The following PHF21A variants were observed in gnomAD, a reference collection of about 807,000 sequenced individuals.
PHF21A encodes the protein BHC80a.
A neutral mutation model predicts 82.5 loss-of-function variants in PHF21A; 11 were observed. The ratio of observed to expected loss-of-function variants is 0.13; its 90% CI spans 0.08 to 0.22. PHF21A has a LOEUF of 0.22. Among genes scored for constraint, PHF21A ranks in the 10% least tolerant of loss-of-function variants. The pLI, the probability that PHF21A is intolerant of heterozygous loss-of-function variation, is 1.00. For synonymous variants in PHF21A, 297 were observed against 302.8 expected, an observed-to-expected ratio of 0.98 and a Z score of 0.20; for missense variants, 579 against 837.8, an observed-to-expected ratio of 0.69 and a Z score of 3.81.
At chr11:46,086,207 C>T (rs2096855446) in intron 3 of PHF21A, among the ~76,000 whole-genome samples, 1 of 151,952 alleles carries the variant, frequency 6.6e-6, no homozygotes, top group African/African-American at 2.4e-5. Flanking sequence ...CAAGCTCCGC[C>T]TCCCAGGTTC....
chr11:46,094,384 C>A (rs1200021162), intron 1 of PHF21A, among the ~76,000 whole-genome samples: 2 of 152,072 alleles, frequency 1.3e-5, no homozygotes, highest in Non-Finnish European at 2.9e-5. Flanking sequence ...GTGATTTCCC[C>A]AAAGGTCACT....
At chr11:45,955,894 T>C (rs1447013701) in intron 10 of PHF21A, among the ~76,000 whole-genome samples, 1 of 152,192 alleles carries the variant, frequency 6.6e-6, no homozygotes, top group African/African-American at 2.4e-5. Context: ...AGCTCAGATG[T>C]GGATTATTAA....
At chr11:46,040,377 TAA>T (rs2096106306) in intron 6 of PHF21A, among the ~76,000 whole-genome samples, 1 of 152,194 alleles carries the variant, frequency 6.6e-6, no homozygotes, top group Admixed American at 6.5e-5. Flanking sequence ...GCACAGACAA[TAA>T]AAGTTTTTTT....
At chr11:46,088,860 T>C (rs898735154) in intron 3 of PHF21A, among the ~76,000 whole-genome samples, 4 of 152,150 alleles carry the variant, frequency 2.6e-5, no homozygotes, top group South Asian at 2.1e-4. Context: ...CTGGGTATAC[T>C]TCTGCTTGAA....
chr11:46,077,867 TTAATC>T (rs1431769451), intron 5 of PHF21A, among the ~76,000 whole-genome samples: 1 of 152,208 alleles, frequency 6.6e-6, no homozygotes, highest in Non-Finnish European at 1.5e-5. Context: ...AAAGGACCTG[TTAATC>T]TAAAGTCTAC....
chr11:46,031,720 G>A (rs562062273), intron 6 of PHF21A, among the ~76,000 whole-genome samples: 37 of 152,076 alleles, frequency 2.4e-4, no homozygotes, highest in Non-Finnish European at 5.0e-4. Flanking sequence ...TTTTTCCTCT[G>A]GCTTTGTCTG....
Position 46,100,111 on chromosome 11 carries a change from C to G in PHF21A, c.-236-7888G>C, listed in dbSNP as rs538061157. Among the ~76,000 whole-genome samples, 11 of 152,238 alleles carry G rather than the reference C, an allele frequency of 7.2e-5. No individual in the cohort carries two copies. In the South Asian group the frequency reaches 2.3e-3, roughly 32 times the overall value. ...CAAAGAAACAGGAGTCTGAAACATG[C>G]CTCAATCACGCTGATAAGTAAGTAG... On this transcript the variant is annotated intron_variant, in intron 1 of 18. Coordinates refer to ENST00000676320, the MANE Select transcript of PHF21A (RefSeq NM_001352027.3).
chr11:46,120,100 G>A (rs1852688136), intron 1 of PHF21A, among the ~76,000 whole-genome samples: 2 of 149,704 alleles, frequency 1.3e-5, no homozygotes, highest in Non-Finnish European at 3.0e-5. Context: ...ACGCTGCTCC[G>A]GCCACCCAAG....
In PHF21A at chr11:45,933,684, TAGAG is replaced by T. The variant is rs2088015483; in HGVS notation, c.*280_*283del. 3.2e-6 allele frequency: 1 copy of T among 307,936 alleles called. No individual in the cohort carries two copies. 19.1% of individuals were successfully genotyped at this position (307,936 alleles called of 1,614,324 possible). A position where few individuals can be genotyped will look rare whatever the true frequency, so the allele number is the denominator to read the frequency against. The stretch of plus-strand genomic sequence containing the variant: ...GCTGCAGGCACACACTGGTGTATAA[TAGAG>T]AGAGTAAATATATTATTTCACTTGG... On this transcript the variant is annotated 3_prime_UTR_variant, in exon 19 of 19. Transcript: ENST00000676320.
intron 1 of PHF21A, among the ~76,000 whole-genome samples, chr11:46,097,691 C>G (rs2097021019): frequency 6.6e-6 from 1 of 152,164 alleles, no homozygotes; most frequent in African/African-American, 2.4e-5. Context: ...CAGAGATCTG[C>G]TCAAACCATC....
In PHF21A at chr11:45,943,308, A is replaced by T. The variant is rs186107087; in HGVS notation, c.1452+2532T>A. 4.0e-5 allele frequency among the ~76,000 whole-genome samples: 6 copies of T among 151,840 alleles called. No homozygotes were observed. The East Asian group carries it at 1.2e-3, about 29-fold the overall frequency. On this transcript the variant is annotated intron_variant, in intron 15 of 18. Coordinates refer to ENST00000676320, the MANE Select transcript of PHF21A (RefSeq NM_001352027.3). ...CGGCTAATTTTTGTATATTTAGTAG[A>T]GACGGGGTTTCACTATATTGCCATC...
intron 6 of PHF21A, among the ~76,000 whole-genome samples, chr11:45,993,738 AG>A (rs2094799772): frequency 6.6e-6 from 1 of 151,660 alleles, no homozygotes; most frequent in Non-Finnish European, 1.5e-5. Context: ...TTGAGATCCA[AG>A]GAAGTAGAGT....
Position 45,935,534 on chromosome 11 carries a change from G to C in PHF21A, c.1788+102C>G. The C allele has an allele frequency of 3.9e-6, 3 of 760,420 alleles. No homozygotes were observed. In the East Asian group the frequency reaches 7.4e-5, roughly 19 times the overall value. 47.1% of individuals were successfully genotyped at this position (760,420 alleles called of 1,614,324 possible). ...AGTTAATCACGTTAATAAACAGAAG[G>C]ACCCGAAACAGCCTGGGGCCCACAC... On this transcript the variant is annotated intron_variant, in intron 18 of 18. Coordinates refer to ENST00000676320, the MANE Select transcript of PHF21A (RefSeq NM_001352027.3).
chr11:46,010,313 G>A (rs1380776570), intron 6 of PHF21A, among the ~76,000 whole-genome samples: 1 of 152,122 alleles, frequency 6.6e-6, no homozygotes, highest in African/African-American at 2.4e-5. Flanking sequence ...AAATATAACT[G>A]ACATTACAGT....
chr11:45,950,280 G>T (rs2091921583), intron 11 of PHF21A, 23 bp from the exon 12 acceptor site: 1 of 1,607,634 alleles, frequency 6.2e-7, no homozygotes, highest in African/African-American at 1.3e-5. Context: ...AACAAAAGAA[G>T]AATATGCTTC....
At chr11:46,013,170 A>C (rs1262209094) in intron 6 of PHF21A, among the ~76,000 whole-genome samples, 4 of 152,234 alleles carry the variant, frequency 2.6e-5, no homozygotes, top group African/African-American at 7.2e-5. Flanking sequence ...GAGATTAACA[A>C]CACCTCATAA....
intron 10 of PHF21A, among the ~76,000 whole-genome samples, chr11:45,958,146 C>T (rs1255657945): frequency 2.0e-5 from 3 of 151,628 alleles, no homozygotes; most frequent in Non-Finnish European, 4.4e-5. Context: ...AGAAAAAGTA[C>T]AGGATCAGAT....
chr11:46,039,774 T>C (rs2096086916), intron 6 of PHF21A, among the ~76,000 whole-genome samples: 1 of 152,310 alleles, frequency 6.6e-6, no homozygotes, highest in South Asian at 2.1e-4. Flanking sequence ...CAGTCAAAAC[T>C]GCACAATCTG....
chr11:46,119,151 C>G (rs1852248522), intron 1 of PHF21A, among the ~76,000 whole-genome samples: 1 of 151,838 alleles, frequency 6.6e-6, no homozygotes, highest in Admixed American at 6.6e-5. Flanking sequence ...TAATCTGATT[C>G]TAATATTCAA....
Sources: allele counts gnomAD v4.1 joint callset (sites outside exome capture counted in the v4.1 genomes callset), GRCh38; gene constraint gnomAD v4.1.1; transcripts MANE v1.5; gene names NCBI Gene and HGNC (gene_info 2026-07-23, HGNC 2026-07-21).